TM9SF3: variants seen among roughly 807,000 people sequenced by gnomAD.
The protein encoded by TM9SF3 is SM-11044-binding protein.
Under a neutral mutation model 78.6 loss-of-function variants are expected in TM9SF3, and 14 were observed. The ratio of observed to expected loss-of-function variants is 0.18; its 90% CI spans 0.12 to 0.28. The LOEUF is 0.28. Ranked by LOEUF, TM9SF3 falls within the 10% of genes least tolerant of loss-of-function variation. The pLI is 1.00. For missense variants in TM9SF3, 496 were observed against 721.9 expected (o/e 0.69, Z 3.59); for synonymous variants, 231 against 241.7 (o/e 0.96, Z 0.41).
chr10:96,562,439 G>A (rs1220798737), intron 3 of TM9SF3, among the ~76,000 whole-genome samples: 1 of 151,906 alleles, frequency 6.6e-6, no homozygotes, highest in Non-Finnish European at 1.5e-5. Flanking sequence ...TGTTAGAATG[G>A]ACTAATACCA....
intron 2 of TM9SF3, among the ~76,000 whole-genome samples, chr10:96,575,896 T>C (rs1301952877): frequency 6.6e-6 from 1 of 152,142 alleles, no homozygotes; most frequent in Non-Finnish European, 1.5e-5. Context: ...TCTGACAAAC[T>C]TCACAGAGAA....
intron 2 of TM9SF3, among the ~76,000 whole-genome samples, chr10:96,566,802 G>A (rs1028869389): frequency 2.0e-5 from 3 of 152,210 alleles, no homozygotes; most frequent in Non-Finnish European, 4.4e-5. Flanking sequence ...AAAACTGACA[G>A]CAAGAGATCC....
Position 96,563,502 on chromosome 10 carries a change from A to C in TM9SF3, c.422-1364T>G, listed in dbSNP as rs191210925. Among the ~76,000 whole-genome samples, 391 of 152,230 alleles carry C rather than the reference A, an allele frequency of 2.6e-3. 1 individual carries two copies. The highest frequency in any genetic ancestry group is 7.4e-3 in the African/African-American group (307 of 41,532). ...GCAATTCTTATGCCTCAGCCTCCCA[A>C]GTAGCTGGGACTATAGGTGTGCACC... On this transcript the variant is annotated intron_variant, in intron 3 of 14. Transcript: ENST00000371142.
At position 96,532,724 on chromosome 10, in the gene TM9SF3, A is replaced by C. The variant is rs546852226; in HGVS notation, c.1325+327T>G. 6.6e-5 allele frequency among the ~76,000 whole-genome samples: 10 copies of C among 152,082 alleles called. No homozygotes were observed. In the East Asian group the frequency reaches 1.9e-3, roughly 29 times the overall value. ...ATGGGCATGGCTGAGTTCCAACAAAACTTTATAGATAAAAACAGGGAGCAG... is the reference window on the plus strand; with the variant it reads ...ATGGGCATGGCTGAGTTCCAACAAACCTTTATAGATAAAAACAGGGAGCAG... On this transcript the variant is annotated intron_variant, in intron 10 of 14. Transcript: ENST00000371142.
Position 96,562,143 on chromosome 10 carries a change from A to C in TM9SF3, c.422-5T>G. 6.2e-7 allele frequency: 1 copy of C among 1,606,010 alleles called. No individual in the cohort carries two copies. Among genetic ancestry groups the C allele is most frequent in the African/African-American group, 1.3e-5 (1 of 74,460 alleles). On this transcript the variant is annotated splice_polypyrimidine_tract_variant and splice_region_variant and intron_variant, in intron 3 of 14. Coordinates refer to ENST00000371142, the MANE Select transcript of TM9SF3 (RefSeq NM_020123.4). ...CATCAGCCTCACCAACAATACCTACAAAAGAAAAAACACTTTATACAAGGT... is the reference window on the plus strand; with the variant it reads ...CATCAGCCTCACCAACAATACCTACCAAAGAAAAAACACTTTATACAAGGT...
chr10:96,585,240 GTT>G (rs1319485579), intron 1 of TM9SF3, among the ~76,000 whole-genome samples: 1 of 151,980 alleles, frequency 6.6e-6, no homozygotes, highest in Non-Finnish European at 1.5e-5. Flanking sequence ...TTTCCTAAGT[GTT>G]TTTTTAATTG....
At chr10:96,548,544 TC>T (rs1848128156) in intron 7 of TM9SF3, among the ~76,000 whole-genome samples, 1 of 152,154 alleles carries the variant, frequency 6.6e-6, no homozygotes, top group Non-Finnish European at 1.5e-5. Flanking sequence ...ACACCTGTAA[TC>T]CGAGCACTTT....
chr10:96,549,185 T>C (rs1011204062), intron 7 of TM9SF3, among the ~76,000 whole-genome samples: 3 of 152,150 alleles, frequency 2.0e-5, no homozygotes, highest in African/African-American at 7.2e-5. Flanking sequence ...TCCTCTACCT[T>C]ATACCCTCAA....
At chr10:96,541,947 A>T (rs953317000) in intron 9 of TM9SF3, among the ~76,000 whole-genome samples, 12 of 152,220 alleles carry the variant, frequency 7.9e-5, no homozygotes, top group Admixed American at 5.9e-4. Context: ...TCAGGTAAAC[A>T]CTACAGATTG....
At chr10:96,549,040 C>G (rs1222618586) in intron 7 of TM9SF3, among the ~76,000 whole-genome samples, 1 of 152,078 alleles carries the variant, frequency 6.6e-6, no homozygotes, top group Non-Finnish European at 1.5e-5. Flanking sequence ...TTAGCCTACA[C>G]CTGCCACAGC....
At chr10:96,536,507 T>C (rs184292262) in intron 9 of TM9SF3, among the ~76,000 whole-genome samples, 58 of 152,326 alleles carry the variant, frequency 3.8e-4, no homozygotes, top group African/African-American at 1.3e-3. Flanking sequence ...AGCTCACTTA[T>C]TGTAGAACTA....
intron 11 of TM9SF3, 25 bp from the exon 12 acceptor site, chr10:96,528,202 G>A (rs761322325): frequency 1.3e-6 from 2 of 1,594,276 alleles, no homozygotes; most frequent in African/African-American, 1.3e-5. Flanking sequence ...TAAAGACACA[G>A]GTTTCCAGTC....
rs748833827 is a variant in TM9SF3, at chr10:96,565,296, A to G, written c.421+8T>C. The G allele has an allele frequency of 5.2e-6, 8 of 1,534,742 alleles. No individual in the cohort carries two copies. Among genetic ancestry groups the G allele is most frequent in the Non-Finnish European group, 6.9e-6 (8 of 1,152,938 alleles). ...TCCCAAATCTTAAATACAACATACA[A>G]TACTTACCCCATATTGGTAAATCAT... is the stretch of plus-strand genomic sequence containing the variant. On this transcript the variant is annotated splice_region_variant and intron_variant, in intron 3 of 14. Transcript: ENST00000371142.
chr10:96,551,107 T>C (rs1314356725), intron 7 of TM9SF3, 138 bp downstream of exon 7: 1 of 764,082 alleles, frequency 1.3e-6, no homozygotes, highest in Non-Finnish European at 2.0e-6. Flanking sequence ...TTTGTCTGTC[T>C]GCATTTATGA....
At chr10:96,560,486 G>T in intron 4 of TM9SF3, 1 of 750,960 alleles carries the variant, frequency 1.3e-6, no homozygotes. Context: ...TGCTTTTATG[G>T]TTGAAGTGTG....
chr10:96,534,927 G>A (rs1168787814), intron 9 of TM9SF3, among the ~76,000 whole-genome samples: 1 of 152,092 alleles, frequency 6.6e-6, no homozygotes, highest in East Asian at 1.9e-4. Context: ...CATTGATTAG[G>A]AAGGCTTGTA....
chr10:96,568,359 A>G (rs553229088), intron 2 of TM9SF3, among the ~76,000 whole-genome samples: 2 of 152,376 alleles, frequency 1.3e-5, no homozygotes, highest in African/African-American at 4.8e-5. Flanking sequence ...GGTGAAACAC[A>G]CATCCATGAA....
intron 4 of TM9SF3, chr10:96,560,784 G>T: frequency 3.6e-6 from 2 of 562,656 alleles, no homozygotes; most frequent in Non-Finnish European, 3.4e-6. Flanking sequence ...GAATGGAAAA[G>T]ACTCAAAACT....
At chr10:96,552,502 G>C (rs1349241955) in intron 6 of TM9SF3, among the ~76,000 whole-genome samples, 1 of 152,122 alleles carries the variant, frequency 6.6e-6, no homozygotes, top group African/African-American at 2.4e-5. Context: ...AGCACTCTAT[G>C]TAACACACTT....
Sources: gnomAD v4.1 joint callset for allele counts (sites outside exome capture counted in the v4.1 genomes callset) on GRCh38, gnomAD v4.1.1 for gene constraint, MANE v1.5 for transcripts, NCBI Gene and HGNC (gene_info 2026-07-23, HGNC 2026-07-21) for gene names.